Variants in ACER1 observed in about 807,000 individuals in gnomAD.
ACER1 encodes alkaline ceramidase 1, also known as CTB-180A7.3.
ACER1 carries 28 observed loss-of-function variants against 24.9 expected under a neutral mutation model. The observed-to-expected ratio is 1.13, with a 90% CI of 0.83 to 1.54. The LOEUF (loss-of-function observed/expected upper bound fraction) is 1.54. Among genes scored for constraint, ACER1 ranks in the 40% most tolerant of loss-of-function variants. The probability of loss-of-function intolerance (pLI) is 0.00; values close to 1 mark genes in which losing one functional copy is unlikely to be tolerated. For missense variants in ACER1, 352 were observed against 349.3 expected, an observed-to-expected ratio of 1.01 and a Z score of -0.06; for synonymous variants, 132 against 131.4, an observed-to-expected ratio of 1.00 and a Z score of -0.03.
At chr19:6,355,401 C>A in the ACER1 span, among the ~76,000 whole-genome samples, 1 of 104,136 alleles carries the variant, frequency 9.6e-6, no homozygotes, top group Middle Eastern at 3.9e-3. Context: ...CGGCCGCGAC[C>A]CCATCTGGGA....
At chr19:6,355,296 G>A in the ACER1 span, among the ~76,000 whole-genome samples, 6 of 151,096 alleles carry the variant, frequency 4.0e-5, no homozygotes, top group African/African-American at 7.3e-5. Flanking sequence ...CGTCTGGGAC[G>A]TGAGGAGCCC....
Position 6,306,818 on chromosome 19 carries a change from A to T in ACER1, c.691T>A (p.Tyr231Asn), listed in dbSNP as rs758545216. ...MVTMALVDAN[Y>N]EMPGETLKVR... ...TTGAGGGTTTCACCTGGCATCTCAT[A>T]GTTGGCATCCACCAAGGCCATGGTG... The change falls in exon 6 of 6, where the codon TAT (tyrosine) becomes AAT (asparagine). Residue 231 changes from tyrosine (Y) to asparagine (N), a missense_variant. Tyr to Asn is a moderately radical substitution (Grantham distance 143, BLOSUM62 -2). Transcript: ENST00000301452. The T allele has an allele frequency of 2.5e-6, 4 of 1,614,160 alleles. No individual in the cohort carries two copies. In the South Asian group the frequency reaches 4.4e-5, roughly 18 times the overall value.
Position 6,310,615 on chromosome 19 carries a change from G to A in ACER1, c.351-781C>T, listed in dbSNP as rs150231717. Among the ~76,000 whole-genome samples, 1,477 of 151,368 alleles carry A rather than the reference G, an allele frequency of 9.8e-3. 24 individuals are homozygous for A. Among genetic ancestry groups the A allele is most frequent in the African/African-American group, 0.033 (1,361 of 41,252 alleles). On this transcript the variant is annotated intron_variant, in intron 3 of 5. Transcript: ENST00000301452. ...GGGTCCTAGCCCGGCACGGTGGCTC[G>A]TGACTGTAATCCCAGCAATTTGGGA...
rs550650371 is a variant in ACER1 at position 6,312,424 on chromosome 19, G to A, written c.169C>T (p.Arg57Cys). ...LMHPYAQKRSRYIYVVWVLFM... is the reference protein window; with the variant it reads ...LMHPYAQKRSCYIYVVWVLFM... ...AGGACCCAGACAACGTAAATGTAGC[G>A]GGAGCGCTTCTGGGCATACGGGTGC... is the stretch of plus-strand genomic sequence containing the variant. The change falls in exon 2 of 6, where the codon CGC becomes TGC. Residue 57 changes from arginine (R) to cysteine (C), a missense_variant. Physicochemically the swap from Arg to Cys is radical, Grantham distance 180 (BLOSUM62 -3). Transcript: ENST00000301452. The A allele has an allele frequency of 2.0e-5, 33 of 1,613,970 alleles. No individual in the cohort carries two copies. Among genetic ancestry groups the A allele is most frequent in the Admixed American group, 5.0e-5 (3 of 59,994 alleles).
chr19:6,332,935 C>T (rs769615225), intron 1 of ACER1, among the ~76,000 whole-genome samples: 20 of 152,086 alleles, frequency 1.3e-4, no homozygotes, highest in Non-Finnish European at 2.4e-4. Flanking sequence ...TTCCAAAGTG[C>T]TAGGATTACA....
chr19:6,312,667 CTTTTT>C (rs35762850), intron 1 of ACER1, among the ~76,000 whole-genome samples, 168 bp from the exon 2 acceptor site: 2 of 132,406 alleles, frequency 1.5e-5, no homozygotes, highest in Non-Finnish European at 3.2e-5. Context: ...TCAGCCGACC[CTTTTT>C]TTTTTTTTTT....
chr19:6,323,325 C>T (rs12984711), intron 1 of ACER1, among the ~76,000 whole-genome samples: 89,230 of 150,472 alleles, frequency 0.59, 26,551 homozygotes, highest in African/African-American at 0.66. Flanking sequence ...GAGGCTGAGG[C>T]AGGAGAATGG....
At chr19:6,348,471 A>G in the ACER1 span, among the ~76,000 whole-genome samples, 4 of 151,202 alleles carry the variant, frequency 2.6e-5, no homozygotes, top group Non-Finnish European at 3.0e-5. Flanking sequence ...TCTGGAAAAA[A>G]AAAAAAAAAA....
chr19:6,349,960 G>A, the ACER1 span, among the ~76,000 whole-genome samples: 1 of 152,074 alleles, frequency 6.6e-6, no homozygotes, highest in Non-Finnish European at 1.5e-5. Context: ...GCAAGACCTC[G>A]TCTCTACCAA....
the ACER1 span, among the ~76,000 whole-genome samples, chr19:6,358,175 T>A: frequency 2.3e-4 from 35 of 152,176 alleles, no homozygotes; most frequent in Admixed American, 2.3e-3. Flanking sequence ...GGACAGCAGC[T>A]GCCCTCCTAC....
At chr19:6,336,549 G>A (rs1235152803), upstream of ACER1, among the ~76,000 whole-genome samples, 2 of 152,024 alleles carry the variant, frequency 1.3e-5, no homozygotes, top group Admixed American at 1.3e-4. Flanking sequence ...GGCTGGGCAC[G>A]GTGGCTCATG....
upstream of ACER1, among the ~76,000 whole-genome samples, chr19:6,335,854 C>G (rs146860087): frequency 4.6e-3 from 693 of 151,258 alleles, 5 homozygotes; most frequent in African/African-American, 0.016. Context: ...AAATCCTAAG[C>G]GCCAGGAACT....
chr19:6,317,573 C>A (rs1003785400), intron 1 of ACER1, among the ~76,000 whole-genome samples: 1 of 152,128 alleles, frequency 6.6e-6, no homozygotes, highest in Non-Finnish European at 1.5e-5. Context: ...TGAATATCAA[C>A]GCGTGCCTGA....
chr19:6,312,880 T>C (rs1356592602), intron 1 of ACER1, among the ~76,000 whole-genome samples: 2 of 151,980 alleles, frequency 1.3e-5, no homozygotes, highest in Admixed American at 6.6e-5. Flanking sequence ...TTTCACCATG[T>C]TGGCCAGGCT....
intron 1 of ACER1, among the ~76,000 whole-genome samples, chr19:6,317,230 T>C (rs1383161830): frequency 6.6e-6 from 1 of 152,166 alleles, no homozygotes; most frequent in African/African-American, 2.4e-5. Context: ...CACCTTGGCC[T>C]CCCAAAGTGC....
At chr19:6,332,242 C>T (rs563408970) in intron 1 of ACER1, among the ~76,000 whole-genome samples, 3 of 147,862 alleles carry the variant, frequency 2.0e-5, no homozygotes, top group South Asian at 4.3e-4. Flanking sequence ...GCTGTGATTA[C>T]AGGCGTGAGC....
chr19:6,318,259 C>A (rs1568310426), intron 1 of ACER1, among the ~76,000 whole-genome samples: 1 of 114,786 alleles, frequency 8.7e-6, no homozygotes, highest in African/African-American at 2.8e-5. Flanking sequence ...CACCTGAAGT[C>A]GGGAGTTCGA....
At chr19:6,326,372 G>A (rs112451388) in intron 1 of ACER1, among the ~76,000 whole-genome samples, 2 of 151,644 alleles carry the variant, frequency 1.3e-5, no homozygotes, top group South Asian at 2.1e-4. Context: ...GTGATCCGCC[G>A]GCCTCGGCCT....
intron 4 of ACER1, among the ~76,000 whole-genome samples, chr19:6,307,728 C>T (rs1367843044): frequency 6.6e-6 from 1 of 152,024 alleles, no homozygotes; most frequent in Non-Finnish European, 1.5e-5. Context: ...GAGTGCAAGG[C>T]TGCAGTGAGC....
Sources: allele counts gnomAD v4.1 joint callset (sites outside exome capture counted in the v4.1 genomes callset), GRCh38; gene constraint gnomAD v4.1.1; transcripts MANE v1.5; gene names NCBI Gene and HGNC (gene_info 2026-07-23, HGNC 2026-07-21).